PRKCE: variants seen among roughly 807,000 people sequenced by gnomAD.
The protein encoded by PRKCE is protein kinase C epsilon type.
PRKCE carries 16 observed loss-of-function variants against 85.4 expected under a neutral mutation model. The ratio of observed to expected loss-of-function variants is 0.19; its 90% CI spans 0.13 to 0.28. The LOEUF is 0.28. Among genes scored for constraint, PRKCE ranks in the 10% least tolerant of loss-of-function variants. PRKCE has a pLI of 1.00. For missense variants in PRKCE, 573 were observed against 975.2 expected (o/e 0.59, Z 5.49); for synonymous variants, 388 against 371.5 (o/e 1.04, Z -0.51).
At chr2:46,050,481 T>C (rs1708787293) in intron 10 of PRKCE, among the ~76,000 whole-genome samples, 1 of 152,194 alleles carries the variant, frequency 6.6e-6, no homozygotes, top group Non-Finnish European at 1.5e-5. Flanking sequence ...AAACATTATT[T>C]CTAGTCTTTT....
chr2:45,942,548 G>A (rs991069390), intron 2 of PRKCE, among the ~76,000 whole-genome samples: 1 of 152,224 alleles, frequency 6.6e-6, no homozygotes, highest in Non-Finnish European at 1.5e-5. Flanking sequence ...TGGCTCTCAT[G>A]AGGGGAACAG....
At chr2:45,926,089 G>A (rs1425209335) in intron 2 of PRKCE, among the ~76,000 whole-genome samples, 1 of 152,196 alleles carries the variant, frequency 6.6e-6, no homozygotes, top group African/African-American at 2.4e-5. Context: ...CCCAGGAAAT[G>A]GGGGACTTGC....
chr2:45,952,005 G>A (rs1045523737), intron 2 of PRKCE, among the ~76,000 whole-genome samples: 4 of 152,142 alleles, frequency 2.6e-5, no homozygotes, highest in Admixed American at 2.6e-4. Context: ...GCTAACTTTT[G>A]CATTTTTAAT....
chr2:46,120,118 G>C (rs1021339565), intron 11 of PRKCE, among the ~76,000 whole-genome samples: 3 of 152,188 alleles, frequency 2.0e-5, no homozygotes, highest in African/African-American at 7.2e-5. Context: ...ATAAAAAATA[G>C]AATTTGGTTT....
chr2:45,838,787 T>C (rs1160038756), intron 1 of PRKCE, among the ~76,000 whole-genome samples: 5 of 152,170 alleles, frequency 3.3e-5, no homozygotes, highest in Non-Finnish European at 7.4e-5. Flanking sequence ...CTTTAGCTCT[T>C]TATTTGATAT....
At chr2:45,769,962 C>T (rs941150989) in intron 1 of PRKCE, among the ~76,000 whole-genome samples, 5 of 152,268 alleles carry the variant, frequency 3.3e-5, no homozygotes, top group African/African-American at 1.2e-4. Context: ...AGCAGGCACA[C>T]GTGCACCCCG....
At chr2:46,093,370 G>C (rs1388138758) in intron 11 of PRKCE, among the ~76,000 whole-genome samples, 4 of 151,280 alleles carry the variant, frequency 2.6e-5, no homozygotes, top group Non-Finnish European at 5.9e-5. Flanking sequence ...AGATGAATTA[G>C]TTCTACATGG....
rs566277722 is a variant in PRKCE at position 45,723,194 on chromosome 2, G to A, written c.348+70746G>A. Among the ~76,000 whole-genome samples the A allele has an allele frequency of 1.3e-4, 20 of 151,548 alleles. No homozygotes were observed. The South Asian group carries it at 4.0e-3, about 30-fold the overall frequency. On this transcript the variant is annotated intron_variant, in intron 1 of 14. Coordinates refer to ENST00000306156, the MANE Select transcript of PRKCE (RefSeq NM_005400.3). ...TATGGGAGGCCACTTCTGCCCTCCT[G>A]GGACTTTCAGTCCACATGGTTTACA...
chr2:45,857,733 A>G (rs1428625341), intron 2 of PRKCE, among the ~76,000 whole-genome samples: 1 of 151,824 alleles, frequency 6.6e-6, no homozygotes, highest in African/African-American at 2.4e-5. Context: ...TTTTTTTTAA[A>G]GGGTAGGAGG....
intron 1 of PRKCE, among the ~76,000 whole-genome samples, chr2:45,756,565 T>C (rs1227104933): frequency 2.0e-5 from 3 of 152,328 alleles, no homozygotes; most frequent in Admixed American, 6.5e-5. Context: ...TCACTTGTAA[T>C]AGTCTTAAAC....
intron 2 of PRKCE, among the ~76,000 whole-genome samples, chr2:45,887,095 T>C (rs1172971081): frequency 6.6e-6 from 1 of 152,246 alleles, no homozygotes; most frequent in African/African-American, 2.4e-5. Flanking sequence ...GGTGTCTATC[T>C]GTAATGGCTT....
chr2:45,657,310 TC>T (rs57098385), intron 1 of PRKCE, among the ~76,000 whole-genome samples: 14,955 of 152,208 alleles, frequency 0.098, 802 homozygotes, highest in East Asian at 0.2. Context: ...GAATCCCACT[TC>T]TACCATCTAC....
At chr2:45,784,975 C>G (rs974192536) in intron 1 of PRKCE, among the ~76,000 whole-genome samples, 5 of 152,198 alleles carry the variant, frequency 3.3e-5, no homozygotes, top group Admixed American at 2.6e-4. Flanking sequence ...TCCTTTTCCT[C>G]TAATTTTCTT....
chr2:45,896,448 G>T (rs1231983319), intron 2 of PRKCE, among the ~76,000 whole-genome samples: 2 of 152,180 alleles, frequency 1.3e-5, no homozygotes, highest in Non-Finnish European at 2.9e-5. Context: ...TGTTCCCAAA[G>T]GATGTTGCAA....
intron 14 of PRKCE, among the ~76,000 whole-genome samples, chr2:46,177,102 G>A (rs1173648462): frequency 6.6e-6 from 1 of 152,100 alleles, no homozygotes; most frequent in Non-Finnish European, 1.5e-5. Flanking sequence ...CAAGTGTAAA[G>A]GATTACGTTT....
At chr2:46,055,170 A>G (rs952915770) in intron 10 of PRKCE, among the ~76,000 whole-genome samples, 11 of 152,244 alleles carry the variant, frequency 7.2e-5, no homozygotes, top group African/African-American at 2.7e-4. Flanking sequence ...CATGGATGGC[A>G]AAACTAAAAG....
At chr2:46,178,085 C>T (rs534881685) in intron 14 of PRKCE, among the ~76,000 whole-genome samples, 10 of 152,292 alleles carry the variant, frequency 6.6e-5, no homozygotes, top group Admixed American at 2.6e-4. Flanking sequence ...CAGGGAGATA[C>T]CCCATCTCTA....
At chr2:46,048,629 G>C (rs971689148) in intron 10 of PRKCE, among the ~76,000 whole-genome samples, 2 of 152,168 alleles carry the variant, frequency 1.3e-5, no homozygotes, top group Non-Finnish European at 2.9e-5. Context: ...CTTTCTCCAG[G>C]GGGAGACGGA....
chr2:46,061,839 T>C (rs1667152167), intron 10 of PRKCE, among the ~76,000 whole-genome samples: 1 of 139,360 alleles, frequency 7.2e-6, no homozygotes. Context: ...TTTTCTTTTC[T>C]TTTCTTTTCT....
Sources: gnomAD v4.1 joint callset for allele counts (sites outside exome capture counted in the v4.1 genomes callset) on GRCh38, gnomAD v4.1.1 for gene constraint, MANE v1.5 for transcripts, NCBI Gene and HGNC (gene_info 2026-07-23, HGNC 2026-07-21) for gene names.